The following CHD2 variants were observed in gnomAD, a reference collection of about 807,000 sequenced individuals.
The protein encoded by CHD2 is ATP-dependent chromatin remodeler CHD2.
CHD2 carries 28 observed loss-of-function variants against 243.9 expected under a neutral mutation model. The observed-to-expected ratio is 0.11, with a 90% CI of 0.09 to 0.16. The LOEUF (loss-of-function observed/expected upper bound fraction) is 0.16, where lower values mean the gene tolerates loss of function less well. Ranked by LOEUF, CHD2 falls within the 10% of genes least tolerant of loss-of-function variation. The probability of loss-of-function intolerance (pLI) is 1.00; values close to 1 mark genes in which losing one functional copy is unlikely to be tolerated. For missense variants in CHD2, 1,386 were observed against 2,209.8 expected (o/e 0.63, Z 7.47); for synonymous variants, 775 against 779.0 (o/e 0.99, Z 0.09).
At chr15:93,003,162 A>G (rs993623333) in intron 33 of CHD2, among the ~76,000 whole-genome samples, 3 of 152,276 alleles carry the variant, frequency 2.0e-5, no homozygotes, top group South Asian at 2.1e-4. Context: ...GCATGTGCCT[A>G]CGGGCCCAGT....
intron 1 of CHD2, 50 bp from the exon 2 acceptor site, chr15:92,901,117 A>G: frequency 1.5e-6 from 1 of 687,758 alleles, no homozygotes; most frequent in Non-Finnish European, 2.6e-6. Flanking sequence ...CCTGATAATA[A>G]AAAGCATCGA....
At chr15:92,984,294 T>C (rs2054014123) in intron 24 of CHD2, 36 bp from the exon 25 acceptor site, 1 of 1,467,126 alleles carries the variant, frequency 6.8e-7, no homozygotes, top group Non-Finnish European at 9.1e-7. Context: ...TGTTTAGAAA[T>C]AGGGAAATGT....
At position 93,020,253 on chromosome 15, in the gene CHD2, T is replaced by C. The variant is rs773497328; in HGVS notation, c.5148T>C (p.Tyr1716=). The change falls in exon 38 of 39, where the codon TAT becomes TAC. Residue 1716 remains tyrosine (Y), a synonymous_variant. Coordinates refer to ENST00000394196, the MANE Select transcript of CHD2 (RefSeq NM_001271.4). ...ACCACCGGGGACACAGAGATTATTA[T>C]GACAGGTATGCAAAAGGCTGTGAGA... The part of the protein sequence containing the change: ...DRDHRGHRDY[Y]DRHHHDSKRR... The C allele has an allele frequency of 5.0e-6, 8 of 1,614,034 alleles. No homozygotes were observed. The South Asian group carries it at 7.7e-5, about 16-fold the overall frequency.
Position 93,015,077 on chromosome 15 carries a change from AT to A in CHD2, c.4906+179del, listed in dbSNP as rs368505383. On this transcript the variant is annotated intron_variant, in intron 37 of 38. Coordinates refer to ENST00000394196, the MANE Select transcript of CHD2 (RefSeq NM_001271.4). ...GAAAGCATGAAATAAAGATCCCCCAATTTTTTTTTTTGTTTGTTTGAGACTG... is the reference window on the plus strand; with the variant it reads ...GAAAGCATGAAATAAAGATCCCCCAATTTTTTTTTTGTTTGTTTGAGACTG... Among the ~76,000 whole-genome samples, 253 of 147,134 alleles carry A rather than the reference AT, an allele frequency of 1.7e-3. 2 individuals are homozygous for A. The highest frequency in any genetic ancestry group is 3.9e-3 in the African/African-American group (156 of 40,364).
At chr15:92,904,927 A>G in intron 2 of CHD2, 7 of 1,536,044 alleles carry the variant, frequency 4.6e-6, no homozygotes, top group Non-Finnish European at 6.1e-6. Context: ...AAACAAAGGG[A>G]AGATTATTTG....
chr15:92,923,307 C>G (rs914047488), intron 2 of CHD2, among the ~76,000 whole-genome samples: 2 of 152,124 alleles, frequency 1.3e-5, no homozygotes, highest in Non-Finnish European at 2.9e-5. Context: ...GACACCCAGG[C>G]TGGAGTACAG....
At chr15:92,910,117 C>A (rs1456841299) in intron 2 of CHD2, among the ~76,000 whole-genome samples, 1 of 152,036 alleles carries the variant, frequency 6.6e-6, no homozygotes, top group Non-Finnish European at 1.5e-5. Flanking sequence ...AGCAGTTCTC[C>A]TGCCTTAGCC....
intron 34 of CHD2, among the ~76,000 whole-genome samples, chr15:93,007,683 G>T (rs766100800): frequency 6.6e-6 from 1 of 151,532 alleles, no homozygotes; most frequent in Non-Finnish European, 1.5e-5. Flanking sequence ...AAATTTTCTT[G>T]AATTATATGG....
intron 37 of CHD2, among the ~76,000 whole-genome samples, chr15:93,016,345 G>T (rs2054460078): frequency 6.6e-6 from 1 of 152,152 alleles, no homozygotes; most frequent in South Asian, 2.1e-4. Context: ...AGTTACCAGG[G>T]TCGGAGGGCA....
intron 15 of CHD2, 38 bp from the exon 16 acceptor site, chr15:92,956,421 C>T (rs374129964): frequency 1.2e-5 from 18 of 1,560,810 alleles, no homozygotes; most frequent in Non-Finnish European, 1.5e-5. Context: ...GGGTTCCCTT[C>T]TGACCTGGTG....
intron 28 of CHD2, 163 bp downstream of exon 28, chr15:92,993,161 C>T (rs1244360827): frequency 1.6e-6 from 1 of 638,578 alleles, no homozygotes; most frequent in African/African-American, 1.8e-5. Context: ...TTCTACTCTC[C>T]TACAGGTCTA....
chr15:93,005,546 G>A (rs1243008637), intron 34 of CHD2, among the ~76,000 whole-genome samples: 2 of 152,106 alleles, frequency 1.3e-5, no homozygotes, highest in East Asian at 1.9e-4. Flanking sequence ...AAGAAAAAGC[G>A]GTTTTCTTTC....
At chr15:92,962,857 T>C (rs1328860735) in intron 16 of CHD2, among the ~76,000 whole-genome samples, 3 of 152,200 alleles carry the variant, frequency 2.0e-5, no homozygotes, top group East Asian at 3.8e-4. Flanking sequence ...TCCTGAGGTA[T>C]TGACCTTTTT....
intron 9 of CHD2, chr15:92,943,688 A>G (rs2053418125): frequency 6.5e-6 from 1 of 154,822 alleles, no homozygotes; most frequent in South Asian, 2.0e-4. Context: ...ATAGCACACA[A>G]AAACCTAAAC....
At chr15:93,003,009 T>A (rs746371722) in intron 33 of CHD2, among the ~76,000 whole-genome samples, 82 of 152,350 alleles carry the variant, frequency 5.4e-4, no homozygotes, top group Non-Finnish European at 1.0e-3. Flanking sequence ...TTAGGCTGTT[T>A]GGGTAGTTTT....
intron 17 of CHD2, among the ~76,000 whole-genome samples, chr15:92,970,869 G>C (rs978137561): frequency 1.3e-5 from 2 of 152,110 alleles, no homozygotes; most frequent in African/African-American, 4.8e-5. Context: ...GAAGCATGAA[G>C]AAATTGCGCC....
intron 34 of CHD2, 88 bp downstream of exon 34, chr15:93,004,839 T>C (rs1323155205): frequency 1.4e-6 from 2 of 1,409,536 alleles, no homozygotes; most frequent in South Asian, 1.4e-5. Context: ...AGAGCTTCAG[T>C]TGAGCTAAGC....
chr15:93,008,305 C>T (rs2054347956), intron 34 of CHD2, among the ~76,000 whole-genome samples: 1 of 152,166 alleles, frequency 6.6e-6, no homozygotes, highest in South Asian at 2.1e-4. Flanking sequence ...CTGTGCAGTC[C>T]CGCTCAGAGG....
At chr15:93,016,288 A>G (rs950933872) in intron 37 of CHD2, among the ~76,000 whole-genome samples, 1 of 152,210 alleles carries the variant, frequency 6.6e-6, no homozygotes, top group Non-Finnish European at 1.5e-5. Flanking sequence ...TCACTTACGT[A>G]TGGAATCTGA....
Sources: allele counts gnomAD v4.1 joint callset (sites outside exome capture counted in the v4.1 genomes callset), GRCh38; gene constraint gnomAD v4.1.1; transcripts MANE v1.5; gene names NCBI Gene and HGNC (gene_info 2026-07-23, HGNC 2026-07-21).